Variants in RORA observed in about 807,000 individuals in gnomAD.
RORA encodes the protein RAR related orphan receptor A, also known as nuclear receptor ROR-alpha.
In RORA, 7 loss-of-function variants were observed where a neutral mutation model predicts 69.5. The observed-to-expected ratio is 0.10, with a 90% CI of 0.06 to 0.19. RORA has a LOEUF of 0.19. RORA is among the 10% of genes least tolerant of loss of function. The pLI is 1.00. For missense variants in RORA, 457 were observed against 663.0 expected, an observed-to-expected ratio of 0.69 and a Z score of 3.41; for synonymous variants, 261 against 240.8, an observed-to-expected ratio of 1.08 and a Z score of -0.78.
At chr15:60,498,208 C>T (rs1322033165) in intron 10 of RORA, among the ~76,000 whole-genome samples, 1 of 152,216 alleles carries the variant, frequency 6.6e-6, no homozygotes, top group Non-Finnish European at 1.5e-5. Context: ...CAGACTCATA[C>T]AGAACCCAAG....
intron 1 of RORA, among the ~76,000 whole-genome samples, chr15:61,113,778 G>T (rs1217185742): frequency 6.6e-6 from 1 of 152,170 alleles, no homozygotes; most frequent in Non-Finnish European, 1.5e-5. Context: ...GGTTTGGTCT[G>T]CTTACCAGTT....
At chr15:60,581,975 T>C (rs1219165537) in intron 2 of RORA, among the ~76,000 whole-genome samples, 1 of 152,176 alleles carries the variant, frequency 6.6e-6, no homozygotes, top group African/African-American at 2.4e-5. Flanking sequence ...CTTGGAATAT[T>C]TGGTAAAGAA....
rs989204942 is a variant in RORA, at chr15:60,893,667, TGAAG to T, written c.167-214985_167-214982del. Among the ~76,000 whole-genome samples the T allele has an allele frequency of 3.9e-5, 6 of 152,204 alleles. No individual in the cohort carries two copies. The East Asian group carries it at 9.7e-4, about 25-fold the overall frequency. Reference sequence around the variant, plus strand: ...AGAGGCTCCTAAGGGAAGCGGGGGCTGAAGGAAGGAAGAAGTGGGTGACAAAGCC... The same window carrying T: ...AGAGGCTCCTAAGGGAAGCGGGGGCTGAAGGAAGAAGTGGGTGACAAAGCC... On this transcript the variant is annotated intron_variant, in intron 1 of 10. Transcript: ENST00000335670.
chr15:61,099,660 G>A (rs916364749), intron 1 of RORA, among the ~76,000 whole-genome samples: 1 of 152,206 alleles, frequency 6.6e-6, no homozygotes, highest in South Asian at 2.1e-4. Flanking sequence ...TCACAATTGT[G>A]TACCATGTTC....
At chr15:61,034,228 T>A (rs192434144) in intron 1 of RORA, among the ~76,000 whole-genome samples, 2 of 152,284 alleles carry the variant, frequency 1.3e-5, no homozygotes, top group East Asian at 3.9e-4. Flanking sequence ...AAATCCTTGA[T>A]GGACTGAAAC....
intron 1 of RORA, among the ~76,000 whole-genome samples, chr15:60,753,445 T>C (rs572006767): frequency 6.6e-6 from 1 of 152,348 alleles, no homozygotes; most frequent in South Asian, 2.1e-4. Flanking sequence ...GCTTATGTCC[T>C]AGCGGAACAG....
At chr15:61,041,083 GAAAA>G (rs905234003) in intron 1 of RORA, 6 of 151,642 alleles carry the variant, frequency 4.0e-5, no homozygotes, top group Admixed American at 1.3e-4. Flanking sequence ...TGGGGAGATG[GAAAA>G]AAAACCCAAA....
chr15:60,529,754 A>C (rs1207853106), intron 3 of RORA: 1 of 152,226 alleles, frequency 6.6e-6, no homozygotes. Context: ...CAGTCAACTT[A>C]GGTTTTACTC....
At chr15:60,715,944 T>C (rs2071213213) in intron 1 of RORA, among the ~76,000 whole-genome samples, 1 of 152,198 alleles carries the variant, frequency 6.6e-6, no homozygotes, top group Non-Finnish European at 1.5e-5. Context: ...TGTAGGAGAA[T>C]TGCCTTCACC....
At chr15:61,027,810 C>T (rs1033143908) in intron 1 of RORA, among the ~76,000 whole-genome samples, 6 of 152,152 alleles carry the variant, frequency 3.9e-5, no homozygotes, top group Non-Finnish European at 2.9e-5. Context: ...ATTACATTTT[C>T]TCTCAAAGTC....
chr15:61,088,347 C>T (rs996348725), intron 1 of RORA, among the ~76,000 whole-genome samples: 1 of 152,142 alleles, frequency 6.6e-6, no homozygotes, highest in Non-Finnish European at 1.5e-5. Flanking sequence ...TTTGTGTTTG[C>T]CTCTAAGTGT....
intron 1 of RORA, among the ~76,000 whole-genome samples, chr15:60,786,697 TGC>T (rs1347331748): frequency 6.6e-6 from 1 of 152,226 alleles, no homozygotes; most frequent in Non-Finnish European, 1.5e-5. Flanking sequence ...CAAAACACAC[TGC>T]CCATCTGCCC....
intron 1 of RORA, among the ~76,000 whole-genome samples, chr15:60,742,696 T>C (rs1039222769): frequency 2.4e-4 from 36 of 152,206 alleles, no homozygotes; most frequent in African/African-American, 8.7e-4. Flanking sequence ...GTTTGACTTT[T>C]TAAGATTCCA....
At chr15:60,558,523 G>GT (rs1327961832) in intron 2 of RORA, 10 of 440,398 alleles carry the variant, frequency 2.3e-5, no homozygotes, top group Non-Finnish European at 4.0e-5. Flanking sequence ...GGTTAAATGC[G>GT]TATGTTTGAT....
intron 2 of RORA, among the ~76,000 whole-genome samples, chr15:60,668,936 T>C (rs1032334692): frequency 6.6e-6 from 1 of 152,224 alleles, no homozygotes; most frequent in Non-Finnish European, 1.5e-5. Context: ...AATAATTCTT[T>C]GTGCTGATGA....
At chr15:60,702,770 T>A (rs1207833538) in intron 1 of RORA, among the ~76,000 whole-genome samples, 2 of 152,252 alleles carry the variant, frequency 1.3e-5, no homozygotes, top group African/African-American at 4.8e-5. Context: ...GAGATTTTTC[T>A]ATGATGCTAT....
chr15:60,596,478 G>C (rs925564492), intron 2 of RORA, among the ~76,000 whole-genome samples: 24 of 152,094 alleles, frequency 1.6e-4, no homozygotes, highest in African/African-American at 5.3e-4. Flanking sequence ...CATAGAGCCA[G>C]GGGACCAAGT....
intron 1 of RORA, among the ~76,000 whole-genome samples, chr15:61,193,506 C>A (rs2079819768): frequency 6.6e-6 from 1 of 152,166 alleles, no homozygotes; most frequent in Admixed American, 6.5e-5. Flanking sequence ...CACAGGAACA[C>A]TTTGACTCCC....
At chr15:60,788,609 CT>C (rs1301438267) in intron 1 of RORA, among the ~76,000 whole-genome samples, 7 of 152,190 alleles carry the variant, frequency 4.6e-5, no homozygotes, top group Admixed American at 3.3e-4. Context: ...CTGGAAGTGC[CT>C]GGCCTAGCTT....
Sources: allele counts gnomAD v4.1 joint callset (sites outside exome capture counted in the v4.1 genomes callset), GRCh38; gene constraint gnomAD v4.1.1; transcripts MANE v1.5; gene names NCBI Gene and HGNC (gene_info 2026-07-23, HGNC 2026-07-21).